Variants in USP6NL observed in about 807,000 individuals in gnomAD.
USP6NL encodes the protein USP6 N-terminal-like protein.
Under a neutral mutation model 61.9 loss-of-function variants are expected in USP6NL, and 26 were observed. The ratio of observed to expected loss-of-function variants is 0.42; its 90% CI spans 0.31 to 0.58. The LOEUF (loss-of-function observed/expected upper bound fraction) is 0.58, where lower values mean the gene tolerates loss of function less well. Ranked by LOEUF, USP6NL falls within the 20% of genes least tolerant of loss-of-function variation. The pLI, the probability that USP6NL is intolerant of heterozygous loss-of-function variation, is 0.16. For missense variants in USP6NL, 1,114 were observed against 1,034.3 expected (o/e 1.08, Z -1.06); for synonymous variants, 432 against 390.1 (o/e 1.11, Z -1.27).
chr10:11,570,158 A>G (rs1427661913), intron 2 of USP6NL, among the ~76,000 whole-genome samples: 1 of 152,152 alleles, frequency 6.6e-6, no homozygotes, highest in Admixed American at 6.5e-5. Context: ...CAAATGAGGG[A>G]AAGTTAAGAG....
chr10:11,606,818 G>A (rs1240653778), intron 1 of USP6NL, among the ~76,000 whole-genome samples: 1 of 150,524 alleles, frequency 6.6e-6, no homozygotes, highest in Non-Finnish European at 1.5e-5. Context: ...TTGACACGGA[G>A]TTTTACTCTG....
At chr10:11,479,349 G>C (rs1017800585) in intron 14 of USP6NL, among the ~76,000 whole-genome samples, 1 of 152,098 alleles carries the variant, frequency 6.6e-6, no homozygotes, top group African/African-American at 2.4e-5. Context: ...GAAAAAGAAA[G>C]AAGGGTGCCC....
At position 11,485,134 on chromosome 10, in the gene USP6NL, A is replaced by T; in HGVS notation, c.825+35T>A. 6.5e-7 allele frequency: 1 copy of T among 1,537,070 alleles called. No homozygotes were observed. The highest frequency in any genetic ancestry group is 1.4e-5 in the African/African-American group (1 of 72,218). The stretch of plus-strand genomic sequence containing the variant: ...CAGCTTCCCCTCACCTTGTATTTAT[A>T]ATTTTATGACTGAGTTTTGTAAATA... On this transcript the variant is annotated intron_variant, in intron 12 of 14. Transcript: ENST00000609104. The surrounding 1 kb of genome is among the most constrained non-coding windows in gnomAD (Gnocchi z 4.8).
At chr10:11,472,848 G>A (rs1832814457) in intron 14 of USP6NL, among the ~76,000 whole-genome samples, 1 of 152,076 alleles carries the variant, frequency 6.6e-6, no homozygotes, top group South Asian at 2.1e-4. Context: ...AAACTTGAAA[G>A]TTAAAGGAAA....
Position 11,485,785 on chromosome 10 carries a change from G to A in USP6NL, c.759+32C>T. ...CCCAGCTTTTTTTGGGGGGTGGGTA[G>A]GTGGGTGTAAGTCAGTGGCACATCT... On this transcript the variant is annotated intron_variant, in intron 11 of 14. Coordinates refer to ENST00000609104, the MANE Select transcript of USP6NL (RefSeq NM_014688.5). The surrounding 1 kb of genome is among the most constrained non-coding windows in gnomAD (Gnocchi z 4.8). The A allele has an allele frequency of 7.0e-7, 1 of 1,429,074 alleles. No individual in the cohort carries two copies. The highest frequency in any genetic ancestry group is 9.5e-7 in the Non-Finnish European group (1 of 1,052,292). 88.5% of individuals were successfully genotyped at this position (1,429,074 alleles called of 1,614,324 possible).
intron 6 of USP6NL, among the ~76,000 whole-genome samples, chr10:11,504,193 G>A (rs1462967356): frequency 1.3e-5 from 2 of 152,092 alleles, no homozygotes; most frequent in Admixed American, 1.3e-4. Context: ...TACTTGTACT[G>A]TTACATGACA....
At chr10:11,493,040 ATAAAGGCATTCTAATTT>A in intron 8 of USP6NL, 62 bp downstream of exon 8, 1 of 1,288,086 alleles carries the variant, frequency 7.8e-7, no homozygotes, top group Non-Finnish European at 1.1e-6. Context: ...ATTACAGTCT[ATAAAGGCATTCTAATTT>A]TAAGTTAATA....
At chr10:11,555,471 A>T (rs11257169) in intron 2 of USP6NL, among the ~76,000 whole-genome samples, 2 of 62,216 alleles carry the variant, frequency 3.2e-5, no homozygotes, top group Admixed American at 4.2e-4. Context: ...GAGAGAGAGA[A>T]AGAGAGAGAG....
rs1837467860 is a variant in USP6NL at position 11,574,358 on chromosome 10, T to G, written c.4+23273A>C. 6.6e-6 allele frequency among the ~76,000 whole-genome samples: 1 copy of G among 152,182 alleles called. No individual in the cohort carries two copies. On this transcript the variant is annotated intron_variant, in intron 2 of 14. Coordinates refer to ENST00000609104, the MANE Select transcript of USP6NL (RefSeq NM_014688.5). This position sits in a 1 kb window ranked among gnomAD's most constrained non-coding sequence, Gnocchi z 4.3. ...CCATGAATAGAAGTCTAAATTCACA[T>G]GCACACTAGAAATTCCCATAGGAGT...
intron 6 of USP6NL, among the ~76,000 whole-genome samples, chr10:11,507,523 T>C (rs575376433): frequency 6.6e-6 from 1 of 152,304 alleles, no homozygotes; most frequent in African/African-American, 2.4e-5. Flanking sequence ...TAAGGATATT[T>C]AGTATGCTCA....
chr10:11,588,338 C>A (rs1838047372), intron 2 of USP6NL, among the ~76,000 whole-genome samples: 1 of 152,154 alleles, frequency 6.6e-6, no homozygotes, highest in Non-Finnish European at 1.5e-5. Context: ...TTAGATAAGT[C>A]TAATCTATCT....
chr10:11,597,758 G>T lies in USP6NL; in HGVS notation c.-83-41C>A. Reference sequence around the variant, plus strand: ...AGAGAAAGAAATAGTATTTTCTAGAGGTCAATATTTAAAATAAAGTTTTCT... The same window carrying T: ...AGAGAAAGAAATAGTATTTTCTAGATGTCAATATTTAAAATAAAGTTTTCT... On this transcript the variant is annotated intron_variant, in intron 1 of 14. Coordinates refer to ENST00000609104, the MANE Select transcript of USP6NL (RefSeq NM_014688.5). The surrounding 1 kb of genome is among the most constrained non-coding windows in gnomAD (Gnocchi z 4.6). 2 of 661,210 alleles carry T rather than the reference G, an allele frequency of 3.0e-6. No individual in the cohort carries two copies. Among genetic ancestry groups the T allele is most frequent in the Non-Finnish European group, 2.6e-6 (1 of 389,354 alleles). The allele number at this position is 661,210 out of a possible 1,614,324, so 41.0% of individuals were successfully genotyped here.
chr10:11,539,471 G>A (rs1012044200), intron 2 of USP6NL, among the ~76,000 whole-genome samples: 3 of 152,336 alleles, frequency 2.0e-5, no homozygotes, highest in East Asian at 1.9e-4. Flanking sequence ...TTATGTGTAA[G>A]ATGAGTCACA....
chr10:11,483,133 A>G (rs1833274987), intron 13 of USP6NL, among the ~76,000 whole-genome samples: 1 of 152,170 alleles, frequency 6.6e-6, no homozygotes, highest in Non-Finnish European at 1.5e-5. Context: ...CCCATCCCGC[A>G]GCCACCCTTC....
intron 2 of USP6NL, among the ~76,000 whole-genome samples, chr10:11,559,355 A>G (rs1034525784): frequency 1.3e-5 from 2 of 152,340 alleles, no homozygotes; most frequent in Middle Eastern, 3.4e-3. Context: ...AAATAAGGAT[A>G]TAGCCTACTT....
Position 11,528,247 on chromosome 10 carries a change from T to C in USP6NL, c.5-680A>G, listed in dbSNP as rs1021923542. Among the ~76,000 whole-genome samples, 3 of 151,696 alleles carry C rather than the reference T, an allele frequency of 2.0e-5. No homozygotes were observed. Among genetic ancestry groups the C allele is most frequent in the South Asian group, 2.1e-4 (1 of 4,818 alleles). ...ATCATAACATGAAATAGTATGAATA[T>C]ATACCATAAGTTTTTTTAAAAGATC... On this transcript the variant is annotated intron_variant, in intron 2 of 14. Coordinates refer to ENST00000609104, the MANE Select transcript of USP6NL (RefSeq NM_014688.5). This position sits in a 1 kb window ranked among gnomAD's most constrained non-coding sequence, Gnocchi z 4.6.
At position 11,463,151 on chromosome 10, in the gene USP6NL, T is replaced by A. The variant is rs751045089; in HGVS notation, c.1777A>T (p.Ser593Cys). Reference protein sequence around the residue: ...PPSPRKHAEPSSSPSKVSNKF... With the variant: ...PPSPRKHAEPCSSPSKVSNKF... ...TTGGATACTTTTGATGGACTAGAAC[T>A]TGGCTCAGCGTGCTTTCTCGGGCTA... The change falls in exon 15 of 15, where the codon AGT becomes TGT. Residue 593 changes from serine to cysteine, a missense_variant. Coordinates refer to ENST00000609104, the MANE Select transcript of USP6NL (RefSeq NM_014688.5). This position sits in a 1 kb window ranked among gnomAD's most constrained non-coding sequence, Gnocchi z 6.3. The A allele has an allele frequency of 1.2e-6, 2 of 1,613,960 alleles. No individual in the cohort carries two copies. The highest frequency in any genetic ancestry group is 1.7e-6 in the Non-Finnish European group (2 of 1,179,888).
Position 11,513,402 on chromosome 10 carries a change from G to A in USP6NL, c.196-3727C>T, listed in dbSNP as rs549638464. Among the ~76,000 whole-genome samples the A allele has an allele frequency of 3.3e-5, 5 of 152,342 alleles. No homozygotes were observed. The highest frequency in any genetic ancestry group is 1.2e-4 in the African/African-American group (5 of 41,578). On this transcript the variant is annotated intron_variant, in intron 5 of 14. Transcript: ENST00000609104. This position sits in a 1 kb window ranked among gnomAD's most constrained non-coding sequence, Gnocchi z 4.7. ...GTTGCCAAAAGGCAGAGCTGCTGATGTTAACAGCCTATATGAAACTGATAT... is the reference window on the plus strand; with the variant it reads ...GTTGCCAAAAGGCAGAGCTGCTGATATTAACAGCCTATATGAAACTGATAT...
At position 11,520,573 on chromosome 10, in the gene USP6NL, G is replaced by T. The variant is rs1352260772; in HGVS notation, c.156-1999C>A. On this transcript the variant is annotated intron_variant, in intron 4 of 14. Transcript: ENST00000609104. This position sits in a 1 kb window ranked among gnomAD's most constrained non-coding sequence, Gnocchi z 5.2. ...ACAGGAGGATGAACACATGCCTGCA[G>T]GCATGGATGCATCCTTACCTTGCCT... Among the ~76,000 whole-genome samples the T allele has an allele frequency of 1.3e-5, 2 of 152,226 alleles. No homozygotes were observed. Among genetic ancestry groups the T allele is most frequent in the African/African-American group, 4.8e-5 (2 of 41,452 alleles).
Sources: gnomAD v4.1 joint callset for allele counts (sites outside exome capture counted in the v4.1 genomes callset) on GRCh38, gnomAD v4.1.1 for gene constraint, Gnocchi (gnomAD v3.1) non-coding constraint, MANE v1.5 for transcripts, NCBI Gene and HGNC (gene_info 2026-07-23, HGNC 2026-07-21) for gene names.